The following NKAIN3 variants were observed in gnomAD, a reference collection of about 807,000 sequenced individuals.
The protein encoded by NKAIN3 is sodium/potassium-transporting ATPase subunit beta-1-interacting protein 3.
In NKAIN3, 25 loss-of-function variants were observed where a neutral mutation model predicts 30.2. That is an observed-to-expected ratio of 0.83 (90% CI 0.60 to 1.16). The LOEUF (loss-of-function observed/expected upper bound fraction) is 1.16, where lower values mean the gene tolerates loss of function less well. Among genes scored for constraint, NKAIN3 ranks in the 50% most tolerant of loss-of-function variants. NKAIN3 has a pLI of 0.00. For missense variants in NKAIN3, 225 were observed against 254.1 expected (o/e 0.89, Z 0.78); for synonymous variants, 91 against 89.6 (o/e 1.02, Z -0.09).
intron 4 of NKAIN3, among the ~76,000 whole-genome samples, chr8:62,876,572 A>G (rs1820799230): frequency 6.6e-6 from 1 of 152,230 alleles, no homozygotes; most frequent in Non-Finnish European, 1.5e-5. Flanking sequence ...CAAAATGCCC[A>G]TCGATGATAG....
At position 62,974,072 on chromosome 8, in the gene NKAIN3, G is replaced by A. The variant is rs1823892297; in HGVS notation, c.*8665G>A. On this transcript the variant is annotated 3_prime_UTR_variant, in exon 7 of 7. Coordinates refer to ENST00000623646, the MANE Select transcript of NKAIN3 (RefSeq NM_001304533.3). The stretch of plus-strand genomic sequence containing the variant: ...ATGTTGTTTTGGTTACTGTAGCCTT[G>A]TAGTATAGTTTGAAGTTAGGTAGCA... 6.6e-6 allele frequency among the ~76,000 whole-genome samples: 1 copy of A among 152,146 alleles called. No individual in the cohort carries two copies. The highest frequency in any genetic ancestry group is 6.5e-5 in the Admixed American group (1 of 15,272).
chr8:62,867,750 A>G (rs1820473008), intron 4 of NKAIN3, among the ~76,000 whole-genome samples: 1 of 152,228 alleles, frequency 6.6e-6, no homozygotes, highest in African/African-American at 2.4e-5. Flanking sequence ...CGTTTAACCG[A>G]TACATTTAAA....
chr8:62,412,669 C>T (rs180743770), intron 1 of NKAIN3, among the ~76,000 whole-genome samples: 3 of 151,448 alleles, frequency 2.0e-5, no homozygotes, highest in Non-Finnish European at 2.9e-5. Context: ...CAGAGGCGGG[C>T]GGAACATTTA....
rs910220191 is a variant in NKAIN3 at position 62,394,190 on chromosome 8, AT to A, written c.54+145068del. On this transcript the variant is annotated intron_variant, in intron 1 of 6. Coordinates refer to ENST00000623646, the MANE Select transcript of NKAIN3 (RefSeq NM_001304533.3). Reference sequence around the variant, plus strand: ...TCATTAAATATGAAGTTAGTTTTACATTTTTCATAGATACGCTTTATCAGGT... The same window carrying A: ...TCATTAAATATGAAGTTAGTTTTACATTTTCATAGATACGCTTTATCAGGT... Among the ~76,000 whole-genome samples the A allele has an allele frequency of 9.6e-4, 146 of 152,134 alleles. 1 individual carries two copies. Among genetic ancestry groups the A allele is most frequent in the African/African-American group, 3.4e-3 (142 of 41,538 alleles).
At position 62,878,005 on chromosome 8, in the gene NKAIN3, A is replaced by C. The variant is rs1820851608; in HGVS notation, c.472-40448A>C. ...TGGTGAGTGGAGATTATGCCATTGC[A>C]CTCCAGCCTGGGCAACAAGAATGAA... is the stretch of plus-strand genomic sequence containing the variant. On this transcript the variant is annotated intron_variant, in intron 4 of 6. Transcript: ENST00000623646. Among the ~76,000 whole-genome samples, 3 of 142,798 alleles carry C rather than the reference A, an allele frequency of 2.1e-5. No individual in the cohort carries two copies. In the South Asian group the frequency reaches 6.6e-4, roughly 31 times the overall value. 93.7% of individuals were successfully genotyped at this position (142,798 alleles called of 152,430 possible). A position where few individuals can be genotyped will look rare whatever the true frequency, so the allele number is the denominator to read the frequency against.
intron 1 of NKAIN3, chr8:62,474,077 G>C (rs4738978): frequency 0.17 from 25,727 of 152,068 alleles, 2,269 homozygotes; most frequent in Middle Eastern, 0.19. Context: ...ACCTAATGTT[G>C]TTGTGGTCTT....
At chr8:62,423,928 C>T (rs1412519114) in intron 1 of NKAIN3, among the ~76,000 whole-genome samples, 1 of 152,024 alleles carries the variant, frequency 6.6e-6, no homozygotes, top group Admixed American at 6.6e-5. Context: ...TAGCTGAACA[C>T]TGGCTTTGTG....
intron 3 of NKAIN3, among the ~76,000 whole-genome samples, chr8:62,672,160 T>G (rs2130389806): frequency 6.6e-6 from 1 of 152,332 alleles, no homozygotes; most frequent in African/African-American, 2.4e-5. Context: ...CCATTGTATT[T>G]CCACTGTAAA....
intron 3 of NKAIN3, among the ~76,000 whole-genome samples, chr8:62,630,238 C>A (rs1463205626): frequency 6.6e-6 from 1 of 152,034 alleles, no homozygotes; most frequent in African/African-American, 2.4e-5. Context: ...GCATCCCCTG[C>A]AGATAAAGGG....
At chr8:62,410,958 A>T (rs1270179463) in intron 1 of NKAIN3, among the ~76,000 whole-genome samples, 2 of 152,218 alleles carry the variant, frequency 1.3e-5, no homozygotes, top group African/African-American at 4.8e-5. Context: ...ATTCTACCAG[A>T]CATGCAAAGA....
intron 1 of NKAIN3, among the ~76,000 whole-genome samples, chr8:62,265,483 A>T (rs1360696341): frequency 1.3e-5 from 2 of 152,242 alleles, no homozygotes; most frequent in Non-Finnish European, 2.9e-5. Context: ...CTTTCAGTAA[A>T]CATCTATAGA....
intron 3 of NKAIN3, among the ~76,000 whole-genome samples, chr8:62,629,097 G>T (rs1002823687): frequency 1.3e-5 from 2 of 152,064 alleles, no homozygotes; most frequent in African/African-American, 4.8e-5. Flanking sequence ...ATAGCCCCAG[G>T]GGTTGGCAGT....
intron 3 of NKAIN3, among the ~76,000 whole-genome samples, chr8:62,662,801 G>A (rs1446591840): frequency 6.6e-6 from 1 of 152,170 alleles, no homozygotes. Flanking sequence ...ATATGTGAAT[G>A]TGTTTGGGAG....
chr8:62,432,871 C>A (rs1033228670), intron 1 of NKAIN3, among the ~76,000 whole-genome samples: 1 of 152,042 alleles, frequency 6.6e-6, no homozygotes. Flanking sequence ...GCAGGGCTTT[C>A]GTATTTGATC....
intron 1 of NKAIN3, among the ~76,000 whole-genome samples, chr8:62,298,269 A>G (rs902349403): frequency 6.6e-6 from 1 of 152,154 alleles, no homozygotes; most frequent in Non-Finnish European, 1.5e-5. Context: ...ACATGTATAC[A>G]TATGTAACAA....
intron 1 of NKAIN3, among the ~76,000 whole-genome samples, chr8:62,286,967 T>C (rs1488680932): frequency 2.6e-5 from 4 of 151,780 alleles, no homozygotes; most frequent in Admixed American, 6.6e-5. Flanking sequence ...AAACATCTTA[T>C]ATGAAGGGCT....
intron 4 of NKAIN3, among the ~76,000 whole-genome samples, chr8:62,893,310 A>G (rs1232408168): frequency 6.6e-6 from 1 of 152,202 alleles, no homozygotes; most frequent in African/African-American, 2.4e-5. Context: ...CACTGTTTCA[A>G]GGAGTAGCAG....
In NKAIN3 at chr8:62,305,491, A is replaced by G. The variant is rs542511801; in HGVS notation, c.54+56364A>G. Among the ~76,000 whole-genome samples, 23 of 150,734 alleles carry G rather than the reference A, an allele frequency of 1.5e-4. 1 individual carries two copies. In the Middle Eastern group the frequency reaches 0.014, roughly 89 times the overall value. The stretch of plus-strand genomic sequence containing the variant: ...TACACATGGACCAATATACTTCATT[A>G]AGTGCCTGCTGACTATTGCTTCTCA... On this transcript the variant is annotated intron_variant, in intron 1 of 6. Coordinates refer to ENST00000623646, the MANE Select transcript of NKAIN3 (RefSeq NM_001304533.3).
chr8:62,787,476 T>G (rs1817559208), intron 4 of NKAIN3, among the ~76,000 whole-genome samples: 1 of 152,152 alleles, frequency 6.6e-6, no homozygotes. Context: ...ACTTCCTGTG[T>G]AACCAGGACA....
Sources: gnomAD v4.1 joint callset for allele counts (sites outside exome capture counted in the v4.1 genomes callset) on GRCh38, gnomAD v4.1.1 for gene constraint, MANE v1.5 for transcripts, NCBI Gene and HGNC (gene_info 2026-07-23, HGNC 2026-07-21) for gene names.